LRRTM4: variants seen among roughly 807,000 people sequenced by gnomAD.
The protein encoded by LRRTM4 is leucine rich repeat transmembrane neuronal 4, also known as leucine-rich repeat transmembrane neuronal protein 4.
In LRRTM4, 25 loss-of-function variants were observed where a neutral mutation model predicts 47.6. The ratio of observed to expected loss-of-function variants is 0.53; its 90% confidence interval spans 0.38 to 0.73. LRRTM4 has a LOEUF of 0.73. LRRTM4 is among the 30% of genes least tolerant of loss of function. The pLI, the probability that LRRTM4 is intolerant of heterozygous loss-of-function variation, is 0.00. For synonymous variants in LRRTM4, 311 were observed against 269.5 expected, an observed-to-expected ratio of 1.15 and a Z score of -1.51; for missense variants, 638 against 713.4, an observed-to-expected ratio of 0.89 and a Z score of 1.20.
intron 3 of LRRTM4, among the ~76,000 whole-genome samples, chr2:76,838,683 G>T (rs1177183201): frequency 2.0e-5 from 3 of 151,760 alleles, no homozygotes; most frequent in African/African-American, 4.8e-5. Flanking sequence ...AATCTCTCCT[G>T]GAATAACATC....
At chr2:76,895,948 C>T (rs1343951170) in intron 3 of LRRTM4, among the ~76,000 whole-genome samples, 2 of 152,004 alleles carry the variant, frequency 1.3e-5, no homozygotes, top group Admixed American at 1.3e-4. Flanking sequence ...GGGATCACAT[C>T]TGTCAGGTTT....
At chr2:77,346,011 A>C (rs1671547432) in intron 3 of LRRTM4, among the ~76,000 whole-genome samples, 1 of 151,988 alleles carries the variant, frequency 6.6e-6, no homozygotes, top group Non-Finnish European at 1.5e-5. Flanking sequence ...TTATAATAGA[A>C]TACTACTTAT....
chr2:76,905,747 T>C (rs1348052912), intron 3 of LRRTM4, among the ~76,000 whole-genome samples: 5 of 150,606 alleles, frequency 3.3e-5, no homozygotes, highest in African/African-American at 7.3e-5. Flanking sequence ...AGGGTATCAG[T>C]GATGGAAGAT....
intron 3 of LRRTM4, among the ~76,000 whole-genome samples, chr2:76,990,219 T>C (rs1194760518): frequency 6.6e-6 from 1 of 151,760 alleles, no homozygotes; most frequent in African/African-American, 2.4e-5. Context: ...TTCCTTTTGC[T>C]TTCTAAAAAG....
At chr2:77,313,224 G>A (rs1677510558) in intron 3 of LRRTM4, among the ~76,000 whole-genome samples, 1 of 150,958 alleles carries the variant, frequency 6.6e-6, no homozygotes, top group African/African-American at 2.4e-5. Context: ...ATGTTTTCCT[G>A]GGACCTGGTG....
rs116794329 is a variant in LRRTM4 at position 77,287,015 on chromosome 2, C to T, written c.1551+231303G>A. ...CTTGCTCAATACTAACTTAGCCTCT[C>T]TGTGTTTGCACAAATGGGGAGAGTA... On this transcript the variant is annotated intron_variant, in intron 3 of 3. Coordinates refer to ENST00000409884, the MANE Select transcript of LRRTM4 (RefSeq NM_001134745.3). 4.4e-3 allele frequency among the ~76,000 whole-genome samples: 674 copies of T among 152,164 alleles called. 2 individuals are homozygous for T. Among genetic ancestry groups the T allele is most frequent in the African/African-American group, 0.015 (634 of 41,514 alleles).
chr2:77,497,514 C>T (rs934314126), intron 3 of LRRTM4, among the ~76,000 whole-genome samples: 5 of 151,260 alleles, frequency 3.3e-5, no homozygotes, highest in African/African-American at 1.2e-4. Flanking sequence ...TCTTCCACAT[C>T]TCCCTTATGC....
intron 3 of LRRTM4, among the ~76,000 whole-genome samples, chr2:76,986,271 C>T (rs1251497699): frequency 6.7e-6 from 1 of 150,054 alleles, no homozygotes; most frequent in Non-Finnish European, 1.5e-5. Context: ...ATTATCCTTT[C>T]TTCTGCTATT....
chr2:76,791,426 G>A (rs1010092396), intron 3 of LRRTM4, among the ~76,000 whole-genome samples: 1 of 152,148 alleles, frequency 6.6e-6, no homozygotes, highest in Non-Finnish European at 1.5e-5. Context: ...ATAATTATGA[G>A]ATGATTTATC....
At chr2:77,353,685 T>TTTATTATTATTATTATTATTATTA (rs58919757) in intron 3 of LRRTM4, among the ~76,000 whole-genome samples, 1 of 151,152 alleles carries the variant, frequency 6.6e-6, no homozygotes. Flanking sequence ...TGCTGCTTAA[T>TTTATTATTATTATTATTATTATTA]TTATTATTAT....
intron 3 of LRRTM4, among the ~76,000 whole-genome samples, chr2:77,346,951 C>T (rs1014056848): frequency 2.0e-5 from 3 of 152,160 alleles, no homozygotes; most frequent in Non-Finnish European, 2.9e-5. Flanking sequence ...TCTCCATTCT[C>T]TCCCACAGAT....
At chr2:77,044,882 C>T (rs139562758) in intron 3 of LRRTM4, among the ~76,000 whole-genome samples, 3 of 151,418 alleles carry the variant, frequency 2.0e-5, no homozygotes, top group Non-Finnish European at 3.0e-5. Context: ...CAAATGTATA[C>T]ATATACATAT....
intron 3 of LRRTM4, among the ~76,000 whole-genome samples, chr2:76,907,754 A>G (rs1673899481): frequency 7.9e-6 from 1 of 126,542 alleles, no homozygotes; most frequent in Admixed American, 8.3e-5. Context: ...AGAAATGGAT[A>G]AATTCCTCGA....
intron 3 of LRRTM4, among the ~76,000 whole-genome samples, chr2:77,379,379 C>T (rs1489074426): frequency 9.9e-5 from 15 of 151,916 alleles, no homozygotes; most frequent in African/African-American, 2.7e-4. Context: ...ATATTTGGCA[C>T]GGCAATATAC....
intron 3 of LRRTM4, among the ~76,000 whole-genome samples, chr2:77,187,175 G>C (rs1438713155): frequency 6.6e-6 from 1 of 152,134 alleles, no homozygotes; most frequent in Non-Finnish European, 1.5e-5. Context: ...TGGATGTTTG[G>C]ATAAAAGCCC....
chr2:76,785,105 T>C (rs1173230305), intron 3 of LRRTM4, among the ~76,000 whole-genome samples: 2 of 152,244 alleles, frequency 1.3e-5, no homozygotes, highest in East Asian at 1.9e-4. Flanking sequence ...TCCAAAGATA[T>C]CTTGCTACAC....
chr2:76,994,214 T>C (rs890565619), intron 3 of LRRTM4, among the ~76,000 whole-genome samples: 1 of 151,836 alleles, frequency 6.6e-6, no homozygotes, highest in African/African-American at 2.4e-5. Context: ...GTCAGTATCA[T>C]ACAATATACA....
In LRRTM4 at chr2:77,519,383, C is replaced by T. The variant is rs1428125788; in HGVS notation, c.486G>A (p.Leu162=). Residue 162 remains leucine, a synonymous_variant, in exon 3 of 4, where the codon TTG becomes TTA. Coordinates refer to ENST00000409884, the MANE Select transcript of LRRTM4 (RefSeq NM_001134745.3). This position sits in a 1 kb window ranked among gnomAD's most constrained non-coding sequence, Gnocchi z 4.6. The part of the protein sequence containing the change: ...QFKGLRKLII[L]HLRSNSLKTV... ...TCTTTAGTGAGTTAGATCTCAAGTGCAAAATGATGAGTTTCCGAAGGCCTT... is the reference window on the plus strand; with the variant it reads ...TCTTTAGTGAGTTAGATCTCAAGTGTAAAATGATGAGTTTCCGAAGGCCTT... 5.6e-6 allele frequency: 9 copies of T among 1,613,206 alleles called. No individual in the cohort carries two copies. Among genetic ancestry groups the T allele is most frequent in the Non-Finnish European group, 7.6e-6 (9 of 1,179,592 alleles).
chr2:76,786,486 T>C (rs1182891889), intron 3 of LRRTM4, among the ~76,000 whole-genome samples: 3 of 151,948 alleles, frequency 2.0e-5, no homozygotes, highest in African/African-American at 4.8e-5. Flanking sequence ...GTAGTTATAA[T>C]TGAATTAATA....
Sources: gnomAD v4.1 joint callset for allele counts (sites outside exome capture counted in the v4.1 genomes callset) on GRCh38, gnomAD v4.1.1 for gene constraint, Gnocchi (gnomAD v3.1) non-coding constraint, MANE v1.5 for transcripts, NCBI Gene and HGNC (gene_info 2026-07-23, HGNC 2026-07-21) for gene names.